The following CNIH3 variants were observed in gnomAD, a reference collection of about 807,000 sequenced individuals.
CNIH3 encodes protein cornichon homolog 3.
A neutral mutation model predicts 24.1 loss-of-function variants in CNIH3; 14 were observed. The observed-to-expected ratio is 0.58, with a 90% confidence interval of 0.38 to 0.91. CNIH3 has a LOEUF of 0.91. Ranked by LOEUF, CNIH3 falls within the 40% of genes least tolerant of loss-of-function variation. The pLI is 0.00. For missense variants in CNIH3, 178 were observed against 196.8 expected, an observed-to-expected ratio of 0.90 and a Z score of 0.57; for synonymous variants, 68 against 73.8, an observed-to-expected ratio of 0.92 and a Z score of 0.40.
At chr1:224,514,550 G>T (rs1678300079), upstream of CNIH3, among the ~76,000 whole-genome samples, 1 of 152,170 alleles carries the variant, frequency 6.6e-6, no homozygotes. Flanking sequence ...ATTAAAATAA[G>T]CTGGGCATAA....
At chr1:224,484,674 A>G (rs1676958532) in intron 1 of CNIH3, among the ~76,000 whole-genome samples, 1 of 152,188 alleles carries the variant, frequency 6.6e-6, no homozygotes, top group African/African-American at 2.4e-5. Flanking sequence ...TAGGCTGCTT[A>G]CAACTCATGG....
At chr1:224,544,924 A>T (rs1054672461) in intron 2 of CNIH3, among the ~76,000 whole-genome samples, 3 of 152,192 alleles carry the variant, frequency 2.0e-5, no homozygotes, top group African/African-American at 7.2e-5. Context: ...TGGAAAATGT[A>T]GTCTTCAGGC....
intron 1 of CNIH3, among the ~76,000 whole-genome samples, chr1:224,510,596 CAA>C (rs777592587): frequency 0.41 from 38,327 of 93,956 alleles, 6,202 homozygotes; most frequent in African/African-American, 0.56. Context: ...GACCCTGTCT[CAA>C]AAAAAAAAAA....
At chr1:224,562,366 A>C (rs1680407721) in intron 3 of CNIH3, among the ~76,000 whole-genome samples, 2 of 152,204 alleles carry the variant, frequency 1.3e-5, no homozygotes, top group African/African-American at 4.8e-5. Flanking sequence ...TCCAGTCAAG[A>C]TAAAAGGTCG....
chr1:224,520,993 C>T (rs1021514433), intron 1 of CNIH3: 3 of 152,200 alleles, frequency 2.0e-5, no homozygotes, highest in Non-Finnish European at 4.4e-5. Context: ...CCACCTTCCC[C>T]CTACAGTCCA....
intron 4 of CNIH3, chr1:224,575,310 A>G (rs1680989349): frequency 6.8e-6 from 7 of 1,025,808 alleles, no homozygotes; most frequent in Admixed American, 6.8e-5. Context: ...CACCTTATTC[A>G]GTTACAACAG....
intron 1 of CNIH3, among the ~76,000 whole-genome samples, chr1:224,674,024 T>G (rs1686004391): frequency 6.6e-6 from 1 of 152,110 alleles, no homozygotes; most frequent in South Asian, 2.1e-4. Context: ...TAGGGGGAGA[T>G]TCCGATCCAG....
At chr1:224,447,274 A>G (rs1022220327) in intron 1 of CNIH3, among the ~76,000 whole-genome samples, 5 of 152,172 alleles carry the variant, frequency 3.3e-5, no homozygotes, top group Non-Finnish European at 7.4e-5. Context: ...TCAAAGGCCC[A>G]AGAACCTAGG....
chr1:224,539,978 C>T (rs2124947035), downstream of CNIH3, among the ~76,000 whole-genome samples: 1 of 152,306 alleles, frequency 6.6e-6, no homozygotes, highest in South Asian at 2.1e-4. Flanking sequence ...ACATTGATCA[C>T]ACAGAGCTTT....
chr1:224,737,980 G>T (rs951947026), intron 5 of CNIH3, among the ~76,000 whole-genome samples: 1 of 152,196 alleles, frequency 6.6e-6, no homozygotes, highest in African/African-American at 2.4e-5. Flanking sequence ...TGAAGTAGTA[G>T]GACCACCCTC....
intron 4 of CNIH3, among the ~76,000 whole-genome samples, chr1:224,579,671 G>C (rs1042537885): frequency 7.2e-5 from 11 of 152,178 alleles, no homozygotes; most frequent in African/African-American, 2.7e-4. Context: ...CTCAGGAAGG[G>C]ATTGGTGTCG....
intron 2 of CNIH3, chr1:224,529,245 G>A (rs1287697324): frequency 6.6e-6 from 1 of 152,166 alleles, no homozygotes; most frequent in Non-Finnish European, 1.5e-5. Context: ...TGATCCATTG[G>A]CACAGAGACA....
At chr1:224,439,245 G>A (rs1572240027) in intron 1 of CNIH3, among the ~76,000 whole-genome samples, 1 of 152,166 alleles carries the variant, frequency 6.6e-6, no homozygotes, top group East Asian at 1.9e-4. Flanking sequence ...GCAAGGGTAG[G>A]GGCGGCACAC....
chr1:224,647,285 C>T (rs931895566), intron 1 of CNIH3, among the ~76,000 whole-genome samples: 1 of 152,238 alleles, frequency 6.6e-6, no homozygotes, highest in Non-Finnish European at 1.5e-5. Context: ...GCCCGTCCTA[C>T]AGTCACATTT....
At chr1:224,732,978 T>C (rs1572837623) in intron 4 of CNIH3, among the ~76,000 whole-genome samples, 1 of 152,254 alleles carries the variant, frequency 6.6e-6, no homozygotes, top group Non-Finnish European at 1.5e-5. Context: ...GGAGGAGTCC[T>C]TTAAAAACCA....
chr1:224,605,709 T>G (rs1244127537), intron 3 of CNIH3, among the ~76,000 whole-genome samples: 2 of 151,850 alleles, frequency 1.3e-5, no homozygotes, highest in African/African-American at 2.4e-5. Flanking sequence ...CAACCAGTCC[T>G]GCGGCCCCCA....
chr1:224,674,061 G>T (rs559011228), intron 1 of CNIH3, among the ~76,000 whole-genome samples: 3 of 152,304 alleles, frequency 2.0e-5, no homozygotes, highest in Admixed American at 2.0e-4. Flanking sequence ...TGCAGATCAA[G>T]TTATGTCAAT....
intron 1 of CNIH3, among the ~76,000 whole-genome samples, chr1:224,452,815 C>G (rs1675478121): frequency 1.4e-5 from 2 of 141,910 alleles, no homozygotes; most frequent in Non-Finnish European, 3.0e-5. Context: ...GTTTCAGGGC[C>G]AAAAGAAGAT....
At chr1:224,736,772 C>T (rs573253966) in intron 5 of CNIH3, among the ~76,000 whole-genome samples, 49 of 152,304 alleles carry the variant, frequency 3.2e-4, no homozygotes, top group African/African-American at 1.1e-3. Context: ...CCAGTGGGTT[C>T]ACCTAAGTCT....
Sources: allele counts gnomAD v4.1 joint callset (sites outside exome capture counted in the v4.1 genomes callset), GRCh38; gene constraint gnomAD v4.1.1; transcripts MANE v1.5; gene names NCBI Gene and HGNC (gene_info 2026-07-23, HGNC 2026-07-21).